The following CLYBL variants were observed in gnomAD, a reference collection of about 807,000 sequenced individuals.
CLYBL encodes the protein citramalyl-CoA lyase.
A neutral mutation model predicts 38.9 loss-of-function variants in CLYBL; 31 were observed. The ratio of observed to expected loss-of-function variants is 0.80; its 90% CI spans 0.60 to 1.08. The LOEUF (loss-of-function observed/expected upper bound fraction) is 1.08, where lower values mean the gene tolerates loss of function less well. Ranked by LOEUF, CLYBL falls within the 50% of genes least tolerant of loss-of-function variation. The pLI is 0.00. For synonymous variants in CLYBL, 171 were observed against 158.6 expected (o/e 1.08, Z -0.59); for missense variants, 434 against 411.6 (o/e 1.05, Z -0.47).
At chr13:99,668,015 T>G (rs924295940) in intron 1 of CLYBL, among the ~76,000 whole-genome samples, 1 of 152,328 alleles carries the variant, frequency 6.6e-6, no homozygotes, top group East Asian at 1.9e-4. Context: ...GGCTCACACC[T>G]GTAATTCCAG....
chr13:99,761,136 G>C (rs61974438), intron 1 of CLYBL, among the ~76,000 whole-genome samples: 9 of 152,014 alleles, frequency 5.9e-5, no homozygotes, highest in African/African-American at 2.2e-4. Context: ...GGCAGATCAC[G>C]AGATCAGGAG....
At chr13:99,799,569 ATAT>A (rs770126243) in intron 2 of CLYBL, among the ~76,000 whole-genome samples, 1 of 151,916 alleles carries the variant, frequency 6.6e-6, no homozygotes, top group Non-Finnish European at 1.5e-5. Context: ...AATCACTGGC[ATAT>A]TATTGTGTTA....
In CLYBL at chr13:99,770,057, TTTTC is replaced by T. The variant is rs199846062; in HGVS notation, c.63-2759_63-2756del. Among the ~76,000 whole-genome samples, 1,049 of 150,840 alleles carry T rather than the reference TTTTC, an allele frequency of 7.0e-3. 6 individuals carry two copies. Among genetic ancestry groups the T allele is most frequent in the Non-Finnish European group, 0.013 (858 of 67,666 alleles). ...AACATCAGTTTGCCAGGGTTTTAAC[TTTTC>T]TTTCTTTTTCTTTTCTTTCTTTTTT... On this transcript the variant is annotated intron_variant, in intron 1 of 8. Coordinates refer to ENST00000339105, the MANE Select transcript of CLYBL (RefSeq NM_206808.5).
At chr13:99,729,763 C>T (rs920115721) in intron 1 of CLYBL, among the ~76,000 whole-genome samples, 2 of 152,224 alleles carry the variant, frequency 1.3e-5, no homozygotes, top group African/African-American at 4.8e-5. Flanking sequence ...GGACCACTTT[C>T]AGCCTGCACT....
chr13:99,608,086 TC>T (rs1378390496), intron 1 of CLYBL, among the ~76,000 whole-genome samples: 5,950 of 77,362 alleles, frequency 0.077, 828 homozygotes, highest in African/African-American at 0.27. Context: ...TTTTTTTTTT[TC>T]CGAGATGGAG....
intron 1 of CLYBL, among the ~76,000 whole-genome samples, chr13:99,682,080 C>T (rs1310742226): frequency 6.6e-6 from 1 of 152,150 alleles, no homozygotes; most frequent in Non-Finnish European, 1.5e-5. Flanking sequence ...CTGACATAAA[C>T]CTACACAACA....
chr13:99,770,793 C>T (rs887277397), intron 1 of CLYBL, among the ~76,000 whole-genome samples: 1 of 152,110 alleles, frequency 6.6e-6, no homozygotes, highest in African/African-American at 2.4e-5. Flanking sequence ...GCGATCTCCG[C>T]TCACTGCAAT....
chr13:99,770,518 T>C (rs1353642014), intron 1 of CLYBL, among the ~76,000 whole-genome samples: 1 of 151,942 alleles, frequency 6.6e-6, no homozygotes, highest in East Asian at 1.9e-4. Flanking sequence ...GGGGTTTCAC[T>C]GTGTTAGCGA....
At chr13:99,773,504 C>T (rs946113375) in intron 2 of CLYBL, among the ~76,000 whole-genome samples, 3 of 152,234 alleles carry the variant, frequency 2.0e-5, no homozygotes, top group Admixed American at 6.5e-5. Context: ...GAACTGCGCA[C>T]GTGAAGGATC....
chr13:99,859,199 T>TA, intron 3 of CLYBL, 150 bp downstream of exon 3: 1 of 605,700 alleles, frequency 1.7e-6, no homozygotes, highest in Non-Finnish European at 2.8e-6. Flanking sequence ...AGTATCCGTT[T>TA]CTTTTACACA....
chr13:99,676,210 T>A lies in CLYBL; in HGVS notation c.62+69453T>A, dbSNP rs201611861. ...CGTCCTTCCTTCCTTCCTTCCTTCC[T>A]TCCTTCCTTCCTTCCTTCCTTCCTT... On this transcript the variant is annotated intron_variant, in intron 1 of 8. Transcript: ENST00000339105. Among the ~76,000 whole-genome samples, 58 of 78,622 alleles carry A rather than the reference T, an allele frequency of 7.4e-4. No individual in the cohort carries two copies. In the East Asian group the frequency reaches 0.045, roughly 61 times the overall value. 51.6% of individuals were successfully genotyped at this position (78,622 alleles called of 152,430 possible).
chr13:99,881,799 A>G (rs2052218076), intron 7 of CLYBL, among the ~76,000 whole-genome samples: 1 of 152,178 alleles, frequency 6.6e-6, no homozygotes, highest in African/African-American at 2.4e-5. Context: ...AGGACCAAAT[A>G]TCACTGCCTT....
At chr13:99,861,234 G>T (rs889427898) in intron 3 of CLYBL, among the ~76,000 whole-genome samples, 5 of 151,934 alleles carry the variant, frequency 3.3e-5, no homozygotes. Context: ...GAAAGAGGGG[G>T]AGGAGGAGGA....
chr13:99,867,336 G>A (rs1037512026), intron 6 of CLYBL, among the ~76,000 whole-genome samples: 15 of 152,168 alleles, frequency 9.9e-5, no homozygotes, highest in African/African-American at 3.1e-4. Flanking sequence ...CGAAAGAAAG[G>A]TTTCATAAAG....
chr13:99,782,087 T>A (rs753448895), intron 2 of CLYBL, among the ~76,000 whole-genome samples: 5 of 152,216 alleles, frequency 3.3e-5, no homozygotes, highest in Admixed American at 2.0e-4. Context: ...TTTTTTTTGC[T>A]TATCATTTGT....
chr13:99,896,312 G>A (rs2052578314), downstream of CLYBL: 1 of 152,208 alleles, frequency 6.6e-6, no homozygotes, highest in Non-Finnish European at 1.5e-5. Flanking sequence ...GAAACTAAGA[G>A]AAAGTGTCAG....
intron 2 of CLYBL, among the ~76,000 whole-genome samples, chr13:99,821,189 T>C (rs1306872978): frequency 1.3e-5 from 2 of 152,196 alleles, no homozygotes; most frequent in Non-Finnish European, 2.9e-5. Context: ...TTCCTAATAA[T>C]GGAATACAGG....
intron 2 of CLYBL, among the ~76,000 whole-genome samples, chr13:99,843,234 TC>T (rs1229249310): frequency 6.6e-6 from 1 of 152,196 alleles, no homozygotes; most frequent in Non-Finnish European, 1.5e-5. Context: ...TCCTAAGGGA[TC>T]AGTCAGACAA....
intron 2 of CLYBL, among the ~76,000 whole-genome samples, chr13:99,819,581 G>A (rs971127386): frequency 6.6e-6 from 1 of 150,760 alleles, no homozygotes; most frequent in Non-Finnish European, 1.5e-5. Context: ...AAAGTTCTGC[G>A]ATCTGCTGTC....
Sources: allele counts gnomAD v4.1 joint callset (sites outside exome capture counted in the v4.1 genomes callset), GRCh38; gene constraint gnomAD v4.1.1; transcripts MANE v1.5; gene names NCBI Gene and HGNC (gene_info 2026-07-23, HGNC 2026-07-21).